The following SCG5 variants were observed in gnomAD, a reference collection of about 807,000 sequenced individuals.
SCG5 encodes the protein secretogranin V.
SCG5 carries 18 observed loss-of-function variants against 25.7 expected under a neutral mutation model. The observed-to-expected ratio is 0.70, with a 90% confidence interval of 0.48 to 1.04. The LOEUF (loss-of-function observed/expected upper bound fraction) is 1.04. Ranked by LOEUF, SCG5 falls within the 50% of genes least tolerant of loss-of-function variation. SCG5 has a pLI of 0.00. For missense variants in SCG5, 206 were observed against 259.8 expected (o/e 0.79, Z 1.42); for synonymous variants, 101 against 91.7 (o/e 1.10, Z -0.58).
At chr15:32,655,335 C>T (rs1163113922) in intron 2 of SCG5, among the ~76,000 whole-genome samples, 1 of 152,086 alleles carries the variant, frequency 6.6e-6, no homozygotes, top group African/African-American at 2.4e-5. Flanking sequence ...TTCTGGAGAT[C>T]ATAGAGCAAA....
At chr15:32,652,549 G>A (rs2054049939) in intron 2 of SCG5, among the ~76,000 whole-genome samples, 1 of 152,146 alleles carries the variant, frequency 6.6e-6, no homozygotes. Context: ...GATGAGGACT[G>A]GAGCACAGGT....
intron 2 of SCG5, among the ~76,000 whole-genome samples, chr15:32,648,743 A>AC (rs1187760322): frequency 6.9e-6 from 1 of 144,308 alleles, no homozygotes; most frequent in African/African-American, 2.6e-5. Flanking sequence ...TCTGAGTAGC[A>AC]CCCCCCTACA....
chr15:32,645,668 A>C (rs962598334), intron 2 of SCG5, among the ~76,000 whole-genome samples: 2 of 152,168 alleles, frequency 1.3e-5, no homozygotes, highest in Admixed American at 6.5e-5. Flanking sequence ...AGGGAACCAT[A>C]AGTGTAAAGG....
At position 32,657,209 on chromosome 15, in the gene SCG5, A is replaced by ATATATATG; in HGVS notation, c.226+13394_226+13395insATATGTAT. Among the ~76,000 whole-genome samples the ATATATATG allele has an allele frequency of 7.4e-3, 288 of 38,708 alleles. 78 individuals carry two copies. The highest frequency in any genetic ancestry group is 0.013 in the African/African-American group (232 of 17,330). 25.4% of individuals were successfully genotyped at this position (38,708 alleles called of 152,430 possible). A position where few individuals can be genotyped will look rare whatever the true frequency, so the allele number is the denominator to read the frequency against. On this transcript the variant is annotated intron_variant, in intron 2 of 5. Coordinates refer to ENST00000300175, the MANE Select transcript of SCG5 (RefSeq NM_001144757.3). The stretch of plus-strand genomic sequence containing the variant: ...TTCTTTCATCCTCCTGTATATATAT[A>ATATATATG]TATGTATGTATTTCCAGGTGTAAGT...
At chr15:32,658,463 A>G (rs2054161564) in intron 2 of SCG5, among the ~76,000 whole-genome samples, 1 of 152,216 alleles carries the variant, frequency 6.6e-6, no homozygotes, top group African/African-American at 2.4e-5. Flanking sequence ...AGTGAAAAGA[A>G]ACATACTTTT....
intron 2 of SCG5, among the ~76,000 whole-genome samples, chr15:32,673,850 C>A (rs910689666): frequency 6.6e-6 from 1 of 152,040 alleles, no homozygotes; most frequent in Non-Finnish European, 1.5e-5. Context: ...TCTCCTGCCT[C>A]AGCCTCCTGA....
chr15:32,688,559 A>G (rs1179781149), intron 4 of SCG5, among the ~76,000 whole-genome samples: 1 of 152,128 alleles, frequency 6.6e-6, no homozygotes, highest in Non-Finnish European at 1.5e-5. Context: ...CCTACTTAGT[A>G]TTTTACATCA....
intron 2 of SCG5, among the ~76,000 whole-genome samples, chr15:32,671,061 A>C (rs74686943): frequency 0.04 from 6,049 of 152,284 alleles, 171 homozygotes; most frequent in Non-Finnish European, 0.062. Flanking sequence ...TCCTCCCACA[A>C]GCATGTTATC....
chr15:32,679,084 G>A (rs16965254), intron 2 of SCG5, among the ~76,000 whole-genome samples: 20,063 of 152,086 alleles, frequency 0.13, 1,738 homozygotes, highest in East Asian at 0.38. Flanking sequence ...CAAGCTCCAC[G>A]CCCAGCTTCC....
chr15:32,643,950 T>A, intron 2 of SCG5, 132 bp downstream of exon 2: 1 of 710,220 alleles, frequency 1.4e-6, no homozygotes, highest in Non-Finnish European at 2.3e-6. Flanking sequence ...AGCTAATTTT[T>A]AAGAGACTCT....
chr15:32,685,560 G>T (rs1206818740), intron 4 of SCG5, among the ~76,000 whole-genome samples: 3 of 152,184 alleles, frequency 2.0e-5, no homozygotes, highest in Non-Finnish European at 2.9e-5. Flanking sequence ...ATCAATGTTT[G>T]TAATAATATA....
At chr15:32,656,223 C>G (rs1043341150) in intron 2 of SCG5, 1 of 152,184 alleles carries the variant, frequency 6.6e-6, no homozygotes, top group African/African-American at 2.4e-5. Context: ...GATGTCCTCT[C>G]AGACATATCT....
chr15:32,690,591 C>T (rs934790610), intron 4 of SCG5, among the ~76,000 whole-genome samples: 3 of 152,168 alleles, frequency 2.0e-5, no homozygotes, highest in South Asian at 2.1e-4. Context: ...ACTCTGGCAC[C>T]GCCTCCTTGC....
At chr15:32,658,464 A>G (rs2054161610) in intron 2 of SCG5, among the ~76,000 whole-genome samples, 2 of 152,212 alleles carry the variant, frequency 1.3e-5, no homozygotes, top group African/African-American at 4.8e-5. Context: ...GTGAAAAGAA[A>G]CATACTTTTT....
At chr15:32,673,962 A>G (rs982185624) in intron 2 of SCG5, among the ~76,000 whole-genome samples, 26 of 150,666 alleles carry the variant, frequency 1.7e-4, no homozygotes, top group African/African-American at 6.3e-4. Flanking sequence ...CTTGTGATCC[A>G]CCCGCCTCTG....
chr15:32,671,530 T>C (rs2054423425), intron 2 of SCG5, among the ~76,000 whole-genome samples: 1 of 152,174 alleles, frequency 6.6e-6, no homozygotes, highest in South Asian at 2.1e-4. Flanking sequence ...TCTTTGCCTC[T>C]GTCTTCTTCT....
At chr15:32,646,996 G>A (rs532349844) in intron 2 of SCG5, among the ~76,000 whole-genome samples, 3 of 152,302 alleles carry the variant, frequency 2.0e-5, no homozygotes, top group African/African-American at 4.8e-5. Context: ...GTATTCTGGT[G>A]TGAATTTCAA....
intron 3 of SCG5, 145 bp downstream of exon 3, chr15:32,680,060 A>G: frequency 2.7e-6 from 2 of 738,392 alleles, no homozygotes; most frequent in Admixed American, 5.5e-5. Context: ...TGGGAAGGGG[A>G]AATTTATTCT....
intron 5 of SCG5, among the ~76,000 whole-genome samples, chr15:32,696,134 T>G (rs2054955546): frequency 6.6e-6 from 1 of 152,120 alleles, no homozygotes; most frequent in Non-Finnish European, 1.5e-5. Context: ...TCTTTTTTTT[T>G]TGAGACAAAA....
Sources: gnomAD v4.1 joint callset for allele counts (sites outside exome capture counted in the v4.1 genomes callset) on GRCh38, gnomAD v4.1.1 for gene constraint, MANE v1.5 for transcripts, NCBI Gene and HGNC (gene_info 2026-07-23, HGNC 2026-07-21) for gene names.